NAV3: variants seen among roughly 807,000 people sequenced by gnomAD.
NAV3 encodes the protein neuron navigator 3.
A neutral mutation model predicts 244.7 loss-of-function variants in NAV3; 87 were observed. That is an observed-to-expected ratio of 0.36 (90% CI 0.30 to 0.42). The LOEUF is 0.42. NAV3 is among the 20% of genes least tolerant of loss of function. The pLI, the probability that NAV3 is intolerant of heterozygous loss-of-function variation, is 1.00. For missense variants in NAV3, 2,663 were observed against 2,893.3 expected (o/e 0.92, Z 1.83); for synonymous variants, 1,126 against 1,042.2 (o/e 1.08, Z -1.55).
chr12:78,053,370 GC>G (rs1019512986), intron 11 of NAV3, among the ~76,000 whole-genome samples: 3 of 151,940 alleles, frequency 2.0e-5, no homozygotes, highest in African/African-American at 7.3e-5. Context: ...CTGAACTATT[GC>G]CCCTAGTAGA....
At chr12:77,716,280 T>C (rs1455269475) in intron 2 of NAV3, among the ~76,000 whole-genome samples, 1 of 143,144 alleles carries the variant, frequency 7.0e-6, no homozygotes. Flanking sequence ...AATAGCAAGT[T>C]TTTTTTTTTC....
chr12:78,200,140 A>G (rs1302807698), intron 37 of NAV3, among the ~76,000 whole-genome samples: 1 of 152,102 alleles, frequency 6.6e-6, no homozygotes, highest in African/African-American at 2.4e-5. Context: ...CCAGGTCCCA[A>G]TTCTGCAAAT....
At chr12:77,605,824 A>C (rs1870645379) in intron 2 of NAV3, among the ~76,000 whole-genome samples, 1 of 151,840 alleles carries the variant, frequency 6.6e-6, no homozygotes, top group South Asian at 2.1e-4. Context: ...CGGCAACAAG[A>C]GGGAAACTCC....
chr12:78,084,827 G>A (rs772492657), intron 12 of NAV3, among the ~76,000 whole-genome samples: 2 of 151,834 alleles, frequency 1.3e-5, no homozygotes, highest in African/African-American at 4.8e-5. Context: ...TTTAATTTTC[G>A]TGTCTCTCCT....
chr12:77,572,224 T>G (rs1330486438), exon 2 of NAV3: 1 of 154,340 alleles, frequency 6.5e-6, no homozygotes, highest in Non-Finnish European at 1.5e-5. Context: ...TGAACAGACA[T>G]GGGAAGAATC....
intron 2 of NAV3, among the ~76,000 whole-genome samples, chr12:77,716,184 G>A (rs1164263370): frequency 6.6e-6 from 1 of 151,702 alleles, no homozygotes; most frequent in Non-Finnish European, 1.5e-5. Flanking sequence ...CTAAATAAGA[G>A]TTTAAATTAA....
At chr12:77,653,606 T>C (rs759893390) in intron 2 of NAV3, among the ~76,000 whole-genome samples, 13 of 152,224 alleles carry the variant, frequency 8.5e-5, no homozygotes, top group Non-Finnish European at 1.5e-4. Flanking sequence ...TATAACACTA[T>C]TGATTTGTGC....
At chr12:77,655,919 T>G (rs1683943220) in intron 2 of NAV3, among the ~76,000 whole-genome samples, 1 of 144,580 alleles carries the variant, frequency 6.9e-6, no homozygotes, top group African/African-American at 2.8e-5. Context: ...AGAGATTTTG[T>G]CACCACCAGG....
At chr12:77,762,444 CA>C (rs113934502) in intron 2 of NAV3, among the ~76,000 whole-genome samples, 12 of 150,748 alleles carry the variant, frequency 8.0e-5, no homozygotes, top group Non-Finnish European at 1.0e-4. Context: ...TAAAAAAATA[CA>C]AAAAAAAATT....
intron 2 of NAV3, among the ~76,000 whole-genome samples, chr12:77,629,819 G>A (rs528198432): frequency 6.6e-6 from 1 of 152,260 alleles, no homozygotes; most frequent in South Asian, 2.1e-4. Flanking sequence ...AGCTCAGAGT[G>A]CCTACCACGT....
chr12:78,047,001 T>C (rs1036862182), intron 9 of NAV3, among the ~76,000 whole-genome samples: 3 of 152,192 alleles, frequency 2.0e-5, no homozygotes, highest in African/African-American at 7.2e-5. Flanking sequence ...TTCTTTGTCT[T>C]TTTTTATATT....
At chr12:77,995,733 C>CA (rs1872246171) in intron 6 of NAV3, among the ~76,000 whole-genome samples, 1 of 151,878 alleles carries the variant, frequency 6.6e-6, no homozygotes, top group Non-Finnish European at 1.5e-5. Flanking sequence ...CCAGAGTAGC[C>CA]AAAATAATTC....
chr12:78,148,761 C>A, intron 21 of NAV3, 81 bp from the exon 22 acceptor site: 1 of 1,232,588 alleles, frequency 8.1e-7, no homozygotes, highest in Non-Finnish European at 1.2e-6. Flanking sequence ...CTAAATACAG[C>A]ATTTGCTTTC....
intron 34 of NAV3, among the ~76,000 whole-genome samples, chr12:78,194,855 C>G (rs1020047489): frequency 2.6e-5 from 4 of 151,996 alleles, no homozygotes; most frequent in African/African-American, 9.7e-5. Context: ...AGGTATTACC[C>G]AATCTTTAAA....
At chr12:77,627,622 G>T (rs922073257) in intron 2 of NAV3, among the ~76,000 whole-genome samples, 1 of 152,040 alleles carries the variant, frequency 6.6e-6, no homozygotes, top group Admixed American at 6.6e-5. Context: ...CAATGTGAAG[G>T]TTTCTCCGAA....
At chr12:78,210,001 G>T (rs891938993) in intron 39 of NAV3, among the ~76,000 whole-genome samples, 1 of 152,144 alleles carries the variant, frequency 6.6e-6, no homozygotes, top group African/African-American at 2.4e-5. Flanking sequence ...GCGTCTGTGT[G>T]TGTATGAACA....
At chr12:78,010,387 G>A (rs1038467452) in intron 8 of NAV3, among the ~76,000 whole-genome samples, 1 of 151,932 alleles carries the variant, frequency 6.6e-6, no homozygotes, top group Non-Finnish European at 1.5e-5. Context: ...TTTTGATGTT[G>A]GTATTATCAT....
intron 2 of NAV3, among the ~76,000 whole-genome samples, chr12:77,720,972 T>C (rs1051090624): frequency 6.6e-6 from 1 of 152,158 alleles, no homozygotes; most frequent in African/African-American, 2.4e-5. Flanking sequence ...GCCATAGATA[T>C]AAGCTCAGCA....
In NAV3 at chr12:78,211,471, C is replaced by CTAT. The variant is rs1555199973; in HGVS notation, c.*955_*956insATT. 1 of 144,714 alleles carries CTAT rather than the reference C, an allele frequency of 6.9e-6. No homozygotes were observed. Among genetic ancestry groups the CTAT allele is most frequent in the Non-Finnish European group, 1.5e-5 (1 of 66,262 alleles). The allele number at this position is 144,714 out of a possible 1,614,324, so 9.0% of individuals were successfully genotyped here. A position where few individuals can be genotyped will look rare whatever the true frequency, so the allele number is the denominator to read the frequency against. On this transcript the variant is annotated 3_prime_UTR_variant, in exon 40 of 40. Coordinates refer to ENST00000397909, the MANE Select transcript of NAV3 (RefSeq NM_001024383.2). ...TAGCCTCATCTCTATATATCTTTCT[C>CTAT]TTTTTTTTTTTTTTGAAGAAATGGA...
Sources: allele counts gnomAD v4.1 joint callset (sites outside exome capture counted in the v4.1 genomes callset), GRCh38; gene constraint gnomAD v4.1.1; transcripts MANE v1.5; gene names NCBI Gene and HGNC (gene_info 2026-07-23, HGNC 2026-07-21).